GLT1D1: variants seen among roughly 807,000 people sequenced by gnomAD.
GLT1D1 encodes the protein glycosyltransferase 1 domain containing 1.
A neutral mutation model predicts 28.7 loss-of-function variants in GLT1D1; 21 were observed. The observed-to-expected ratio is 0.73, with a 90% confidence interval of 0.52 to 1.05. The LOEUF is 1.05. GLT1D1 is among the 50% of genes least tolerant of loss of function. The probability of loss-of-function intolerance (pLI) is 0.00; values close to 1 mark genes in which losing one functional copy is unlikely to be tolerated. For missense variants in GLT1D1, 343 were observed against 330.6 expected (o/e 1.04, Z -0.29); for synonymous variants, 147 against 124.8 (o/e 1.18, Z -1.19).
chr12:128,973,348 A>ATTTTTTTTT (rs369304204), intron 7 of GLT1D1, among the ~76,000 whole-genome samples: 1 of 118,870 alleles, frequency 8.4e-6, no homozygotes, highest in African/African-American at 3.2e-5. Flanking sequence ...ACACCTGGCT[A>ATTTTTTTTT]TTTTTTTTTT....
At chr12:128,889,226 G>A (rs1403531380) in intron 3 of GLT1D1, among the ~76,000 whole-genome samples, 1 of 152,098 alleles carries the variant, frequency 6.6e-6, no homozygotes, top group Non-Finnish European at 1.5e-5. Context: ...GTTTGCATCA[G>A]GTTTGCCCAA....
intron 7 of GLT1D1, among the ~76,000 whole-genome samples, chr12:128,973,278 G>T (rs1879401939): frequency 7.1e-6 from 1 of 141,382 alleles, no homozygotes; most frequent in African/African-American, 2.6e-5. Flanking sequence ...CGCCTCCTGG[G>T]TTCAAGCAAT....
At chr12:128,914,938 G>C in intron 4 of GLT1D1, 1 of 1,535,964 alleles carries the variant, frequency 6.5e-7, no homozygotes, top group African/African-American at 1.4e-5. Flanking sequence ...CCCAGGAATT[G>C]CAACAACACC....
At chr12:128,880,014 T>C (rs1303526805) in intron 2 of GLT1D1, among the ~76,000 whole-genome samples, 1 of 152,222 alleles carries the variant, frequency 6.6e-6, no homozygotes, top group Non-Finnish European at 1.5e-5. Context: ...TGTATGTGGA[T>C]GTTGGAAATA....
At chr12:128,972,459 G>C (rs1879276390) in intron 7 of GLT1D1, among the ~76,000 whole-genome samples, 1 of 152,208 alleles carries the variant, frequency 6.6e-6, no homozygotes, top group South Asian at 2.1e-4. Context: ...AGGGAGGCTG[G>C]GAATTGTGGC....
intron 7 of GLT1D1, among the ~76,000 whole-genome samples, chr12:128,962,494 G>C (rs1878067185): frequency 6.6e-6 from 1 of 152,302 alleles, no homozygotes; most frequent in Admixed American, 6.5e-5. Flanking sequence ...GTAGAACACA[G>C]TGTGGCCTGT....
At chr12:128,878,114 A>C (rs775730946) in intron 2 of GLT1D1, among the ~76,000 whole-genome samples, 5 of 152,234 alleles carry the variant, frequency 3.3e-5, no homozygotes, top group Admixed American at 3.3e-4. Context: ...CCTTCTGATT[A>C]CACAGGTCAG....
intron 4 of GLT1D1, chr12:128,945,079 C>T (rs1047814846): frequency 4.8e-5 from 32 of 672,194 alleles, no homozygotes; most frequent in South Asian, 1.1e-4. Flanking sequence ...CATGTTGTCC[C>T]GGAGCAGGTC....
intron 1 of GLT1D1, among the ~76,000 whole-genome samples, chr12:128,872,854 TC>T (rs1956733528): frequency 6.6e-6 from 1 of 151,740 alleles, no homozygotes. Context: ...TCTCTTTCTT[TC>T]TTTCTCTTTC....
chr12:128,982,641 A>C (rs887849778), intron 7 of GLT1D1, among the ~76,000 whole-genome samples: 4 of 152,182 alleles, frequency 2.6e-5, no homozygotes, highest in African/African-American at 9.6e-5. Flanking sequence ...TGATGGCTCC[A>C]GTATTTTTCG....
At chr12:128,930,836 C>G (rs942542329) in intron 4 of GLT1D1, among the ~76,000 whole-genome samples, 1 of 152,222 alleles carries the variant, frequency 6.6e-6, no homozygotes, top group Non-Finnish European at 1.5e-5. Context: ...TCCTCTTTAA[C>G]TCAGCTGCCT....
At chr12:128,868,482 G>A (rs758092683) in intron 1 of GLT1D1, among the ~76,000 whole-genome samples, 1 of 152,174 alleles carries the variant, frequency 6.6e-6, no homozygotes, top group Non-Finnish European at 1.5e-5. Flanking sequence ...CGTCCGTATG[G>A]AGAAGGGAAA....
At chr12:128,973,758 G>T (rs1879469918) in intron 7 of GLT1D1, among the ~76,000 whole-genome samples, 1 of 152,120 alleles carries the variant, frequency 6.6e-6, no homozygotes, top group Non-Finnish European at 1.5e-5. Context: ...CCAGCCGGGT[G>T]TGTGTTGAAA....
chr12:128,857,132 C>CA (rs1161388756), intron 1 of GLT1D1, among the ~76,000 whole-genome samples: 1 of 152,200 alleles, frequency 6.6e-6, no homozygotes, highest in Non-Finnish European at 1.5e-5. Flanking sequence ...CATCCACCCA[C>CA]AAGGTCACGT....
At chr12:128,913,045 C>CAGCA (rs1008890635) in intron 4 of GLT1D1, among the ~76,000 whole-genome samples, 31 of 152,192 alleles carry the variant, frequency 2.0e-4, no homozygotes, top group African/African-American at 7.5e-4. Context: ...TATACTCCAT[C>CAGCA]AGCAGTATGT....
intron 1 of GLT1D1, among the ~76,000 whole-genome samples, chr12:128,862,067 G>A (rs969858700): frequency 4.6e-5 from 7 of 152,110 alleles, no homozygotes; most frequent in African/African-American, 1.2e-4. Context: ...GGTGGCTCAC[G>A]CCTTTGATCC....
intron 7 of GLT1D1, among the ~76,000 whole-genome samples, chr12:128,974,908 G>A (rs549004620): frequency 3.3e-5 from 5 of 152,212 alleles, no homozygotes; most frequent in South Asian, 2.1e-4. Flanking sequence ...CTCTCTCTTC[G>A]CTAAAGAAGT....
chr12:128,937,902 G>C (rs1874726546), intron 4 of GLT1D1, among the ~76,000 whole-genome samples: 1 of 152,160 alleles, frequency 6.6e-6, no homozygotes, highest in African/African-American at 2.4e-5. Flanking sequence ...TCTTTCCTTT[G>C]TAAATGATGC....
At chr12:128,952,429 G>C (rs1359346651) in intron 6 of GLT1D1, among the ~76,000 whole-genome samples, 1 of 75,458 alleles carries the variant, frequency 1.3e-5, no homozygotes, top group Non-Finnish European at 2.7e-5. Flanking sequence ...GGTGTAGGGT[G>C]GGGGTGGGGG....
Sources: allele counts gnomAD v4.1 joint callset (sites outside exome capture counted in the v4.1 genomes callset), GRCh38; gene constraint gnomAD v4.1.1; transcripts MANE v1.5; gene names NCBI Gene and HGNC (gene_info 2026-07-23, HGNC 2026-07-21).